ELFN2: variants seen among roughly 807,000 people sequenced by gnomAD.
ELFN2 encodes the protein protein phosphatase 1 regulatory subunit 29.
In ELFN2, 17 loss-of-function variants were observed where a neutral mutation model predicts 45.5. The observed-to-expected ratio is 0.37, with a 90% CI of 0.26 to 0.56. ELFN2 has a LOEUF of 0.56. Among genes scored for constraint, ELFN2 ranks in the 20% least tolerant of loss-of-function variants. ELFN2 has a pLI of 0.77. For missense variants in ELFN2, 922 were observed against 1,183.2 expected (o/e 0.78, Z 3.24); for synonymous variants, 550 against 551.5 (o/e 1.00, Z 0.04).
intron 2 of ELFN2, among the ~76,000 whole-genome samples, chr22:37,389,416 G>A (rs777148319): frequency 7.9e-5 from 12 of 152,078 alleles, no homozygotes; most frequent in Non-Finnish European, 1.3e-4. Context: ...ACTCACCAGC[G>A]ATTAGCTGGT....
At chr22:37,381,888 G>A (rs1293998635) in intron 2 of ELFN2, among the ~76,000 whole-genome samples, 3 of 135,466 alleles carry the variant, frequency 2.2e-5, no homozygotes, top group East Asian at 2.3e-4. Flanking sequence ...CCCGGGAGGC[G>A]GAGCGTGCAG....
At chr22:37,385,505 G>T (rs1041468154) in intron 2 of ELFN2, among the ~76,000 whole-genome samples, 7 of 152,200 alleles carry the variant, frequency 4.6e-5, no homozygotes, top group African/African-American at 1.7e-4. Context: ...GGAAGATCTG[G>T]CTTCCCTGGG....
chr22:37,411,580 C>CG (rs133740), intron 2 of ELFN2, among the ~76,000 whole-genome samples: 152,153 of 152,274 alleles, frequency 1, 76,016 homozygotes, highest in Middle Eastern at 1. Context: ...ACACAGCAAG[C>CG]GGAGGCAGGA....
intron 1 of ELFN2, among the ~76,000 whole-genome samples, chr22:37,351,936 T>A (rs1205107002): frequency 6.6e-6 from 1 of 150,966 alleles, no homozygotes; most frequent in East Asian, 1.9e-4. Flanking sequence ...GCCTCACTCA[T>A]CTTTGCGCCT....
intron 2 of ELFN2, among the ~76,000 whole-genome samples, chr22:37,381,344 G>T (rs887819789): frequency 6.6e-6 from 1 of 152,082 alleles, no homozygotes; most frequent in Non-Finnish European, 1.5e-5. Context: ...CGTGCAAGGG[G>T]GAGTTGTCCA....
Position 37,375,468 on chromosome 22 carries a change from C to T in ELFN2, c.67G>A (p.Asp23Asn), listed in dbSNP as rs774832627. The T allele has an allele frequency of 3.7e-6, 6 of 1,604,524 alleles. No homozygotes were observed. Among genetic ancestry groups the T allele is most frequent in the South Asian group, 3.3e-5 (3 of 89,890 alleles). Residue 23 changes from aspartate to asparagine, a missense_variant, in exon 3 of 3, where the codon GAC (aspartate) becomes AAC (asparagine). Coordinates refer to ENST00000402918, the MANE Select transcript of ELFN2 (RefSeq NM_052906.5). ...CVCRPGAVRA[D>N]CWLIEGDKGY... ...TTGTCGCCCTCAATGAGCCAGCAGT[C>T]GGCACGCACGGCACCCGGCCGGCAC...
chr22:37,415,927 C>T (rs1932755558), intron 2 of ELFN2, among the ~76,000 whole-genome samples: 1 of 152,180 alleles, frequency 6.6e-6, no homozygotes, highest in Non-Finnish European at 1.5e-5. Context: ...AGTGCCACTG[C>T]ACTCCAGCCT....
rs767334560 is a variant in ELFN2, at chr22:37,373,492, C to T, written c.2043G>A (p.Pro681=). 15 of 1,548,354 alleles carry T rather than the reference C, an allele frequency of 9.7e-6. No homozygotes were observed. The highest frequency in any genetic ancestry group is 4.7e-5 in the South Asian group (4 of 84,766). ...NSPLDRLPLV[P]AGSGGGSGGG... is the part of the protein sequence containing the mutation. ...CGCCGCTGCCCCCGCCGCTGCCCGC[C>T]GGCACCAGCGGGAGCCGGTCCAGCG... The change falls in exon 3 of 3, where the codon CCG becomes CCA. Residue 681 remains proline (P), a synonymous_variant. Coordinates refer to ENST00000402918, the MANE Select transcript of ELFN2 (RefSeq NM_052906.5).
intron 1 of ELFN2, among the ~76,000 whole-genome samples, chr22:37,424,369 AG>A (rs1932832498): frequency 6.6e-6 from 1 of 152,166 alleles, no homozygotes; most frequent in African/African-American, 2.4e-5. Context: ...ACAAGACCTC[AG>A]GGGATATTGA....
chr22:37,382,015 A>T (rs1267862364), intron 2 of ELFN2, among the ~76,000 whole-genome samples: 5 of 145,862 alleles, frequency 3.4e-5, no homozygotes, highest in African/African-American at 1.3e-4. Flanking sequence ...CAGAGGGAGA[A>T]GCCCCCCCTG....
intron 1 of ELFN2, among the ~76,000 whole-genome samples, chr22:37,422,254 G>C (rs564898400): frequency 2.0e-5 from 3 of 152,074 alleles, no homozygotes; most frequent in Non-Finnish European, 2.9e-5. Flanking sequence ...ATGAACGGAG[G>C]GGGCAGATGG....
intron 1 of ELFN2, among the ~76,000 whole-genome samples, chr22:37,422,265 G>C: frequency 6.6e-6 from 1 of 152,132 alleles, no homozygotes; most frequent in East Asian, 1.9e-4. Context: ...GGGCAGATGG[G>C]AAGGGGGAGG....
At chr22:37,423,279 T>C (rs1932824168) in intron 1 of ELFN2, among the ~76,000 whole-genome samples, 1 of 152,188 alleles carries the variant, frequency 6.6e-6, no homozygotes, top group Non-Finnish European at 1.5e-5. Context: ...CCTCCTTTCC[T>C]GTCTCTCCTT....
At chr22:37,352,263 T>C (rs1176210619) in intron 1 of ELFN2, 1 of 150,924 alleles carries the variant, frequency 6.6e-6, no homozygotes, top group Non-Finnish European at 1.5e-5. Context: ...GCAGCCTTCG[T>C]GTCCTCTACC....
At chr22:37,393,840 G>A (rs926663244) in intron 2 of ELFN2, among the ~76,000 whole-genome samples, 16 of 152,160 alleles carry the variant, frequency 1.1e-4, no homozygotes, top group African/African-American at 3.6e-4. Context: ...TTATAGGCCC[G>A]ATCTCTGCCT....
Position 37,374,393 on chromosome 22 carries a change from T to A in ELFN2, c.1142A>T (p.Asp381Val), listed in dbSNP as rs1931495563. ...NHTCLTFTTR[D>V]PVPGDLAPST... is the part of the protein sequence containing the mutation. ...GGGCGCCAAGTCTCCGGGGACGGGG[T>A]CCCGCGTGGTGAAGGTCAGGCAGGT... Residue 381 changes from aspartate (D) to valine (V), a missense_variant, in exon 3 of 3, where the codon GAC becomes GTC. Physicochemically the swap from Asp to Val is radical, Grantham distance 152. Transcript: ENST00000402918. 1 of 1,613,558 alleles carries A rather than the reference T, an allele frequency of 6.2e-7. No homozygotes were observed. The highest frequency in any genetic ancestry group is 1.3e-5 in the African/African-American group (1 of 74,806).
In ELFN2 at chr22:37,374,530, G is replaced by C. The variant is rs1177630150; in HGVS notation, c.1005C>G (p.Asp335Glu). 1 of 1,614,234 alleles carries C rather than the reference G, an allele frequency of 6.2e-7. No homozygotes were observed. Among genetic ancestry groups the C allele is most frequent in the Admixed American group, 1.7e-5 (1 of 60,032 alleles). Residue 335 changes from aspartate (D) to glutamate (E), a missense_variant, in exon 3 of 3, where the codon GAC (aspartate) becomes GAG (glutamate). Asp to Glu is a conservative substitution (Grantham distance 45). Around this residue, in one of 2 missense-constraint regions of ELFN2, gnomAD observed 358 missense variants for 540.4 expected, o/e 0.66. Coordinates refer to ENST00000402918, the MANE Select transcript of ELFN2 (RefSeq NM_052906.5). ...CCTTCTTGTTCTTGAGGGTCATGAC[G>C]TCGGAGAAGTAGCTGTTGTTGTACT... ...LVQYNNSYFS[D>E]VMTLKNKKEI...
intron 2 of ELFN2, chr22:37,384,917 C>CCATT (rs1569135732): frequency 6.6e-6 from 1 of 152,132 alleles, no homozygotes; most frequent in Non-Finnish European, 1.5e-5. Flanking sequence ...TGCATGGCCT[C>CCATT]CATTCATTCA....
intron 1 of ELFN2, among the ~76,000 whole-genome samples, chr22:37,350,328 G>T (rs1186357654): frequency 6.7e-6 from 1 of 149,242 alleles, no homozygotes; most frequent in Non-Finnish European, 1.5e-5. Flanking sequence ...TTCCATTTCT[G>T]CCACTTGAGT....
Sources: gnomAD v4.1 joint callset for allele counts (sites outside exome capture counted in the v4.1 genomes callset) on GRCh38, gnomAD v4.1.1 for gene constraint, gnomAD v4.1.1 regional missense constraint, MANE v1.5 for transcripts, NCBI Gene and HGNC (gene_info 2026-07-23, HGNC 2026-07-21) for gene names.